DNMT1: variants seen among roughly 807,000 people sequenced by gnomAD.
DNMT1 encodes the protein DNA (cytosine-5)-methyltransferase 1.
In DNMT1, 24 loss-of-function variants were observed where a neutral mutation model predicts 205.3. That is an observed-to-expected ratio of 0.12 (90% CI 0.08 to 0.16). The LOEUF is 0.16. Ranked by LOEUF, DNMT1 falls within the 10% of genes least tolerant of loss-of-function variation. The pLI is 1.00. For synonymous variants in DNMT1, 817 were observed against 839.8 expected, an observed-to-expected ratio of 0.97 and a Z score of 0.47; for missense variants, 1,293 against 2,177.7, an observed-to-expected ratio of 0.59 and a Z score of 8.09.
chr19:10,141,363 C>T lies in DNMT1; in HGVS notation c.3310-174G>A. On this transcript the variant is annotated intron_variant, in intron 30 of 40. Transcript: ENST00000359526. ...TGCTACAATAGAAACTTAAAACAATCCATTTTATTAATACTAACATTTGAT... is the reference window on the plus strand; with the variant it reads ...TGCTACAATAGAAACTTAAAACAATTCATTTTATTAATACTAACATTTGAT... 4.5e-6 allele frequency: 3 copies of T among 660,526 alleles called. 1 individual carries two copies. The East Asian group carries it at 8.3e-5, about 18-fold the overall frequency. 40.9% of individuals were successfully genotyped at this position (660,526 alleles called of 1,614,324 possible). A position where few individuals can be genotyped will look rare whatever the true frequency, so the allele number is the denominator to read the frequency against.
In DNMT1 at chr19:10,159,461, G is replaced by A. The variant is rs898782633; in HGVS notation, c.1280+197C>T. ...TGACCTGAAGTGATCTGCTCACCTCGGCCTCCCAAAGTGCTAGGATTACAG... is the reference window on the plus strand; with the variant it reads ...TGACCTGAAGTGATCTGCTCACCTCAGCCTCCCAAAGTGCTAGGATTACAG... On this transcript the variant is annotated intron_variant, in intron 17 of 40. Coordinates refer to ENST00000359526, the MANE Select transcript of DNMT1 (RefSeq NM_001130823.3). This position sits in a 1 kb window ranked among gnomAD's most constrained non-coding sequence, Gnocchi z 5.0. Among the ~76,000 whole-genome samples, 6 of 152,144 alleles carry A rather than the reference G, an allele frequency of 3.9e-5. No homozygotes were observed. The highest frequency in any genetic ancestry group is 8.8e-5 in the Non-Finnish European group (6 of 68,008).
At chr19:10,194,789 C>A (rs769568666) in intron 1 of DNMT1, 31 bp downstream of exon 1, 7 of 1,607,190 alleles carry the variant, frequency 4.4e-6, no homozygotes, top group Non-Finnish European at 5.9e-6. Context: ...GCCTGTCCCC[C>A]TGAGTCCGTG....
At chr19:10,182,198 A>G in intron 1 of DNMT1, 121 bp from the exon 2 acceptor site, 1 of 1,030,500 alleles carries the variant, frequency 9.7e-7, no homozygotes, top group South Asian at 1.3e-5. Flanking sequence ...TGAGTGTTAG[A>G]AAAAACTAAG....
chr19:10,138,186 G>A lies in DNMT1; in HGVS notation c.4116-177C>T, dbSNP rs895648436. Reference sequence around the variant, plus strand: ...CTGGAAGGGGGGATGGGGCTATGGCGTGGGCTTTGTGGATGACCACAGCCA... The same window carrying A: ...CTGGAAGGGGGGATGGGGCTATGGCATGGGCTTTGTGGATGACCACAGCCA... On this transcript the variant is annotated intron_variant, in intron 35 of 40. Coordinates refer to ENST00000359526, the MANE Select transcript of DNMT1 (RefSeq NM_001130823.3). This position sits in a 1 kb window ranked among gnomAD's most constrained non-coding sequence, Gnocchi z 4.1. Among the ~76,000 whole-genome samples, 13 of 152,268 alleles carry A rather than the reference G, an allele frequency of 8.5e-5. No individual in the cohort carries two copies. Among genetic ancestry groups the A allele is most frequent in the Admixed American group, 7.2e-4 (11 of 15,290 alleles).
Position 10,140,867 on chromosome 19 carries a change from G to C in DNMT1, c.3437C>G (p.Pro1146Arg), listed in dbSNP as rs1412256768. ...CTTGGGCAGCTTGATCTCTATCTCT[G>C]GCTCGCTCGGCTCACAGGCTTGGGA... ...PKSQACEPSE[P>R]EIEIKLPKLR... is the part of the protein sequence containing the mutation. The change falls in exon 32 of 41, where the codon CCA (proline) becomes CGA (arginine). Residue 1146 changes from proline (P) to arginine (R), a missense_variant. Coordinates refer to ENST00000359526, the MANE Select transcript of DNMT1 (RefSeq NM_001130823.3). This position sits in a 1 kb window ranked among gnomAD's most constrained non-coding sequence, Gnocchi z 8.4. 9.9e-6 allele frequency: 16 copies of C among 1,614,064 alleles called. No homozygotes were observed. The highest frequency in any genetic ancestry group is 3.3e-4 in the Middle Eastern group (2 of 6,084).
intron 10 of DNMT1, 40 bp from the exon 11 acceptor site, chr19:10,166,725 G>C (rs557782894): frequency 3.1e-6 from 5 of 1,592,484 alleles, no homozygotes; most frequent in Non-Finnish European, 4.3e-6. Flanking sequence ...TGGTCAGCTC[G>C]GGGGGGGCCC....
intron 10 of DNMT1, 106 bp downstream of exon 10, chr19:10,168,222 CAT>C: frequency 7.8e-7 from 1 of 1,276,228 alleles, no homozygotes; most frequent in Middle Eastern, 1.8e-4. Context: ...ACATAAGAGA[CAT>C]ATGATTAGTG....
chr19:10,174,761 G>A (rs922426429), intron 7 of DNMT1, among the ~76,000 whole-genome samples: 5 of 150,656 alleles, frequency 3.3e-5, no homozygotes, highest in African/African-American at 1.2e-4. Flanking sequence ...GGCTGGGCAC[G>A]GTGGCTCACA....
intron 1 of DNMT1, among the ~76,000 whole-genome samples, chr19:10,191,479 T>C (rs1468830367): frequency 6.6e-6 from 1 of 150,790 alleles, no homozygotes; most frequent in African/African-American, 2.4e-5. Context: ...GCAATCTGAG[T>C]GTAAAGAAAT....
Position 10,133,558 on chromosome 19 carries a change from A to T in DNMT1, c.*109T>A. ...CAGCTTCATGTCAGCCAAGGCCACA[A>T]ACACCATGTACCACACATGTGAACG... On this transcript the variant is annotated 3_prime_UTR_variant, in exon 41 of 41. Transcript: ENST00000359526. The surrounding 1 kb of genome is among the most constrained non-coding windows in gnomAD (Gnocchi z 4.1). The T allele has an allele frequency of 7.5e-7, 1 of 1,339,102 alleles. No individual in the cohort carries two copies. The highest frequency in any genetic ancestry group is 1.0e-6 in the Non-Finnish European group (1 of 956,562). 83.0% of individuals were successfully genotyped at this position (1,339,102 alleles called of 1,614,324 possible).
At chr19:10,155,779 C>T (rs1568235442) in intron 19 of DNMT1, 74 bp downstream of exon 19, 9 of 1,486,234 alleles carry the variant, frequency 6.1e-6, no homozygotes, top group South Asian at 2.4e-5. Flanking sequence ...ACCAGAGCCC[C>T]GTCAGCCCCC....
chr19:10,183,539 C>T (rs530546456), intron 1 of DNMT1, among the ~76,000 whole-genome samples: 13 of 152,204 alleles, frequency 8.5e-5, no homozygotes, highest in South Asian at 8.3e-4. Context: ...GGAAACATGG[C>T]GAAACTCCAT....
rs749247799 is a variant in DNMT1 at position 10,133,638 on chromosome 19, C to T, written c.*29G>A. 147 of 1,593,084 alleles carry T rather than the reference C, an allele frequency of 9.2e-5. No individual in the cohort carries two copies. The highest frequency in any genetic ancestry group is 1.2e-4 in the Non-Finnish European group (140 of 1,168,882). Reference sequence around the variant, plus strand: ...CAGTGCATGTTGGGGATTCCTGGTGCCAGAAACAGGGGTGACGGGAGGGCA... The same window carrying T: ...CAGTGCATGTTGGGGATTCCTGGTGTCAGAAACAGGGGTGACGGGAGGGCA... On this transcript the variant is annotated 3_prime_UTR_variant, in exon 41 of 41. Transcript: ENST00000359526. The surrounding 1 kb of genome is among the most constrained non-coding windows in gnomAD (Gnocchi z 4.1).
At chr19:10,175,496 C>T (rs1234758822) in intron 7 of DNMT1, 44 bp downstream of exon 7, 1 of 1,608,164 alleles carries the variant, frequency 6.2e-7, no homozygotes, top group South Asian at 1.1e-5. Context: ...TCATCAAATA[C>T]ACCAAGTTAA....
In DNMT1 at chr19:10,137,343, G is replaced by A; in HGVS notation, c.4294-63C>T. 2 of 1,541,490 alleles carry A rather than the reference G, an allele frequency of 1.3e-6. No homozygotes were observed. The highest frequency in any genetic ancestry group is 8.8e-7 in the Non-Finnish European group (1 of 1,142,472). ...GAGCAGCATCCGAGCATCCATGGTG[G>A]GCTGGGAGCTGGGAACACCATGGTG... On this transcript the variant is annotated intron_variant, in intron 36 of 40. Coordinates refer to ENST00000359526, the MANE Select transcript of DNMT1 (RefSeq NM_001130823.3). This position sits in a 1 kb window ranked among gnomAD's most constrained non-coding sequence, Gnocchi z 6.4.
intron 12 of DNMT1, 21 bp from the exon 13 acceptor site, chr19:10,162,769 CA>C (rs775601932): frequency 6.2e-7 from 1 of 1,613,022 alleles, no homozygotes; most frequent in Non-Finnish European, 8.5e-7. Context: ...AACAGATACA[CA>C]GCAAGTAGCA....
At chr19:10,173,610 G>A (rs904958144) in intron 8 of DNMT1, among the ~76,000 whole-genome samples, 3 of 151,366 alleles carry the variant, frequency 2.0e-5, no homozygotes, top group African/African-American at 7.3e-5. Context: ...TTCTGACTCA[G>A]CCTCCTGAGT....
chr19:10,172,630 C>T lies in DNMT1; in HGVS notation c.768+460G>A, dbSNP rs567784851. Among the ~76,000 whole-genome samples the T allele has an allele frequency of 1.5e-4, 23 of 151,958 alleles. No individual in the cohort carries two copies. In the East Asian group the frequency reaches 4.3e-3, roughly 28 times the overall value. ...CTCGAGGTCAGGAGTTCAAGATCAG[C>T]CTGGCCAACACAGTGAAACCCCATC... is the stretch of plus-strand genomic sequence containing the variant. On this transcript the variant is annotated intron_variant, in intron 9 of 40. Transcript: ENST00000359526.
At chr19:10,165,439 C>A (rs2038670656) in intron 11 of DNMT1, among the ~76,000 whole-genome samples, 1 of 152,200 alleles carries the variant, frequency 6.6e-6, no homozygotes, top group Non-Finnish European at 1.5e-5. Flanking sequence ...GTTGCCCAGG[C>A]TGGAGTGCAG....
Sources: allele counts gnomAD v4.1 joint callset (sites outside exome capture counted in the v4.1 genomes callset), GRCh38; gene constraint gnomAD v4.1.1; non-coding constraint Gnocchi (gnomAD v3.1); transcripts MANE v1.5; gene names NCBI Gene and HGNC (gene_info 2026-07-23, HGNC 2026-07-21).